FKBP5: variants seen among roughly 807,000 people sequenced by gnomAD.
The protein encoded by FKBP5 is FKBP prolyl isomerase 5, also known as peptidyl-prolyl cis-trans isomerase FKBP5.
Under a neutral mutation model 50.5 loss-of-function variants are expected in FKBP5, and 23 were observed. That is an observed-to-expected ratio of 0.46 (90% CI 0.33 to 0.65). The LOEUF is 0.65. FKBP5 is among the 30% of genes least tolerant of loss of function. FKBP5 has a pLI of 0.02. For missense variants in FKBP5, 411 were observed against 553.1 expected, an observed-to-expected ratio of 0.74 and a Z score of 2.58; for synonymous variants, 176 against 190.6, an observed-to-expected ratio of 0.92 and a Z score of 0.63.
chr6:35,726,865 G>C (rs2151026471), intron 1 of FKBP5, among the ~76,000 whole-genome samples: 1 of 152,326 alleles, frequency 6.6e-6, no homozygotes, highest in East Asian at 1.9e-4. Flanking sequence ...CAGTGGAGGA[G>C]AGGGCTCAAA....
intron 2 of FKBP5, among the ~76,000 whole-genome samples, chr6:35,696,463 G>T (rs1164619165): frequency 6.7e-6 from 1 of 148,748 alleles, no homozygotes; most frequent in East Asian, 2.0e-4. Context: ...AGTAAACTGA[G>T]ATCATGCCAC....
intron 1 of FKBP5, among the ~76,000 whole-genome samples, chr6:35,672,124 T>A (rs1408416159): frequency 6.6e-6 from 1 of 152,156 alleles, no homozygotes; most frequent in African/African-American, 2.4e-5. Context: ...CACCTCGGCC[T>A]CCCAAAGTGC....
At chr6:35,581,836 T>C in intron 8 of FKBP5, 3 of 985,348 alleles carry the variant, frequency 3.0e-6, no homozygotes, top group Non-Finnish European at 3.6e-6. Context: ...TGACCAACAG[T>C]GTTAAGACCA....
intron 1 of FKBP5, among the ~76,000 whole-genome samples, chr6:35,726,831 T>C (rs545786343): frequency 1.3e-5 from 2 of 152,020 alleles, no homozygotes; most frequent in Non-Finnish European, 2.9e-5. Context: ...GGGGATGAGT[T>C]GGAATGGTGG....
intron 2 of FKBP5, among the ~76,000 whole-genome samples, chr6:35,702,383 A>G (rs1166784218): frequency 1.3e-5 from 2 of 151,324 alleles, no homozygotes; most frequent in East Asian, 3.9e-4. Flanking sequence ...AAAAAAAGAC[A>G]GAAAAGAAAA....
At chr6:35,638,446 G>A (rs1451466442) in intron 2 of FKBP5, among the ~76,000 whole-genome samples, 1 of 152,050 alleles carries the variant, frequency 6.6e-6, no homozygotes, top group Non-Finnish European at 1.5e-5. Flanking sequence ...ACAGGGTCTT[G>A]CTCTTTTACC....
chr6:35,601,146 T>A (rs1189052400), intron 5 of FKBP5, among the ~76,000 whole-genome samples: 2 of 152,182 alleles, frequency 1.3e-5, no homozygotes, highest in Non-Finnish European at 2.9e-5. Context: ...ACATGTGGAC[T>A]AATCTTTTTT....
intron 3 of FKBP5, among the ~76,000 whole-genome samples, chr6:35,631,902 C>T (rs912288271): frequency 5.7e-5 from 8 of 139,442 alleles, no homozygotes; most frequent in African/African-American, 1.1e-4. Context: ...TTGCAATGAG[C>T]GGAGATCACG....
chr6:35,695,039 CT>C (rs1766060377), intron 2 of FKBP5, among the ~76,000 whole-genome samples: 1 of 152,300 alleles, frequency 6.6e-6, no homozygotes, highest in African/African-American at 2.4e-5. Flanking sequence ...CATCTTCAAC[CT>C]GATAAAGGGC....
chr6:35,605,275 C>T (rs1763272654), intron 5 of FKBP5, among the ~76,000 whole-genome samples: 1 of 149,760 alleles, frequency 6.7e-6, no homozygotes, highest in Admixed American at 6.7e-5. Context: ...AATCAATCAG[C>T]ATAAAGCATT....
At chr6:35,726,536 CCACACA>C (rs10599241) in intron 1 of FKBP5, among the ~76,000 whole-genome samples, 30,322 of 139,172 alleles carry the variant, frequency 0.22, 3,341 homozygotes, top group South Asian at 0.3. Flanking sequence ...TCCTCCTCCT[CCACACA>C]CACACACACA....
intron 1 of FKBP5, among the ~76,000 whole-genome samples, chr6:35,720,748 T>C (rs1561909867): frequency 6.6e-6 from 1 of 152,194 alleles, no homozygotes; most frequent in East Asian, 1.9e-4. Context: ...CCCAGCTCCT[T>C]GGAGCCACGA....
At chr6:35,726,403 T>G (rs757087223) in intron 1 of FKBP5, among the ~76,000 whole-genome samples, 3 of 152,064 alleles carry the variant, frequency 2.0e-5, no homozygotes, top group Non-Finnish European at 4.4e-5. Context: ...CACTGTGCCC[T>G]CCAAGCCTCC....
At chr6:35,627,726 A>G (rs1171769939) in intron 3 of FKBP5, among the ~76,000 whole-genome samples, 1 of 151,946 alleles carries the variant, frequency 6.6e-6, no homozygotes, top group African/African-American at 2.4e-5. Context: ...GCAAAATCCA[A>G]TGTCATGAAG....
intron 8 of FKBP5, chr6:35,585,487 T>C (rs1762570430): frequency 2.0e-6 from 2 of 985,362 alleles, no homozygotes; most frequent in Non-Finnish European, 1.2e-6. Flanking sequence ...TCCCCTATTT[T>C]TCACTTGAAA....
At chr6:35,615,725 G>C (rs1763632711) in intron 5 of FKBP5, among the ~76,000 whole-genome samples, 1 of 152,084 alleles carries the variant, frequency 6.6e-6, no homozygotes, top group African/African-American at 2.4e-5. Flanking sequence ...ATCAACAAAT[G>C]TCAAAATGAG....
chr6:35,612,603 A>C (rs536101569), intron 5 of FKBP5, among the ~76,000 whole-genome samples: 7 of 152,382 alleles, frequency 4.6e-5, no homozygotes, highest in African/African-American at 1.7e-4. Context: ...AAGAGGTTTA[A>C]TTGACTTACA....
At chr6:35,687,842 C>A (rs546433755) in intron 1 of FKBP5, among the ~76,000 whole-genome samples, 1 of 152,336 alleles carries the variant, frequency 6.6e-6, no homozygotes, top group East Asian at 1.9e-4. Flanking sequence ...GCTTTCGCCA[C>A]CACTGCAGAA....
At chr6:35,636,139 T>C (rs891265677) in intron 3 of FKBP5, among the ~76,000 whole-genome samples, 3 of 152,224 alleles carry the variant, frequency 2.0e-5, no homozygotes, top group African/African-American at 7.2e-5. Context: ...ATCTTCCAAA[T>C]GTGGACACAT....
Sources: gnomAD v4.1 joint callset for allele counts (sites outside exome capture counted in the v4.1 genomes callset) on GRCh38, gnomAD v4.1.1 for gene constraint, MANE v1.5 for transcripts, NCBI Gene and HGNC (gene_info 2026-07-23, HGNC 2026-07-21) for gene names.